The following FSTL4 variants were observed in gnomAD, a reference collection of about 807,000 sequenced individuals.
FSTL4 encodes the protein follistatin-related protein 4.
A neutral mutation model predicts 78.2 loss-of-function variants in FSTL4; 28 were observed. The ratio of observed to expected loss-of-function variants is 0.36; its 90% CI spans 0.27 to 0.49. The LOEUF is 0.49. FSTL4 is among the 20% of genes least tolerant of loss of function. FSTL4 has a pLI of 0.98. For synonymous variants in FSTL4, 422 were observed against 440.5 expected (o/e 0.96, Z 0.53); for missense variants, 922 against 1,084.9 (o/e 0.85, Z 2.11).
chr5:133,742,300 C>T, the FSTL4 span, among the ~76,000 whole-genome samples: 217 of 152,296 alleles, frequency 1.4e-3, 1 homozygote, highest in African/African-American at 4.9e-3. Context: ...TCATCTCATG[C>T]CCCCAAACCC....
intron 3 of FSTL4, among the ~76,000 whole-genome samples, chr5:133,430,034 G>A (rs1756902715): frequency 6.6e-6 from 1 of 152,180 alleles, no homozygotes; most frequent in South Asian, 2.1e-4. Context: ...TAGTACTTGA[G>A]AAAGATTGGA....
chr5:133,709,259 G>A, the FSTL4 span, among the ~76,000 whole-genome samples: 2 of 152,288 alleles, frequency 1.3e-5, no homozygotes, highest in Admixed American at 6.5e-5. Context: ...TGGACCAAAC[G>A]TTTCCCAATC....
At position 133,326,776 on chromosome 5, in the gene FSTL4, T is replaced by G. The variant is rs1754222459; in HGVS notation, c.410-10124A>C. Reference sequence around the variant, plus strand: ...CTTGTCCTATCTCCTAGACTGAGCTTCTTAAAGCAAAGACTGCTCCCAGCA... The same window carrying G: ...CTTGTCCTATCTCCTAGACTGAGCTGCTTAAAGCAAAGACTGCTCCCAGCA... On this transcript the variant is annotated intron_variant, in intron 4 of 15. Transcript: ENST00000265342. Among the ~76,000 whole-genome samples the G allele has an allele frequency of 2.0e-5, 3 of 152,224 alleles. No homozygotes were observed. In the South Asian group the frequency reaches 6.2e-4, roughly 32 times the overall value.
intron 7 of FSTL4, among the ~76,000 whole-genome samples, chr5:133,238,015 G>A (rs1327139082): frequency 6.6e-6 from 1 of 152,118 alleles, no homozygotes; most frequent in Non-Finnish European, 1.5e-5. Context: ...TTTAAAAAGC[G>A]ATTTTCTAAG....
intron 3 of FSTL4, among the ~76,000 whole-genome samples, chr5:133,509,770 A>C (rs1334382633): frequency 6.6e-6 from 1 of 152,262 alleles, no homozygotes; most frequent in East Asian, 1.9e-4. Flanking sequence ...CAACCAGGAA[A>C]GGAGAACAGA....
chr5:133,475,493 T>G (rs933398708), intron 3 of FSTL4, among the ~76,000 whole-genome samples: 2 of 152,244 alleles, frequency 1.3e-5, no homozygotes, highest in Non-Finnish European at 2.9e-5. Flanking sequence ...AGAAGTTTTA[T>G]GCCAGGGATA....
At chr5:133,449,465 G>A (rs1004213236) in intron 3 of FSTL4, among the ~76,000 whole-genome samples, 9 of 152,320 alleles carry the variant, frequency 5.9e-5, no homozygotes, top group East Asian at 1.9e-4. Flanking sequence ...TCTAACACGC[G>A]CGGGCCTCTG....
chr5:133,369,991 C>T (rs147286595), intron 4 of FSTL4, among the ~76,000 whole-genome samples: 3 of 150,660 alleles, frequency 2.0e-5, no homozygotes, highest in Non-Finnish European at 3.0e-5. Context: ...TTGGTCCTAT[C>T]TAGCAGGGCT....
intron 3 of FSTL4, among the ~76,000 whole-genome samples, chr5:133,534,881 T>C (rs1046919625): frequency 6.6e-6 from 1 of 152,126 alleles, no homozygotes; most frequent in Non-Finnish European, 1.5e-5. Context: ...TTTTCATCCT[T>C]TTAATATGTG....
the FSTL4 span, among the ~76,000 whole-genome samples, chr5:133,794,781 C>G: frequency 6.6e-6 from 1 of 152,176 alleles, no homozygotes; most frequent in Non-Finnish European, 1.5e-5. Flanking sequence ...ACACCACAAC[C>G]ATGTCCTCCC....
At chr5:133,504,556 C>T (rs773427967) in intron 3 of FSTL4, among the ~76,000 whole-genome samples, 20 of 152,152 alleles carry the variant, frequency 1.3e-4, no homozygotes, top group Admixed American at 3.3e-4. Context: ...CTTACCACTG[C>T]TTTTAGGATC....
At chr5:133,605,733 T>C (rs1204907516) in intron 1 of FSTL4, among the ~76,000 whole-genome samples, 1 of 152,182 alleles carries the variant, frequency 6.6e-6, no homozygotes, top group East Asian at 1.9e-4. Flanking sequence ...GGTGTCTGCT[T>C]GTTTTAAAAA....
At chr5:133,435,268 A>G (rs1461729197) in intron 3 of FSTL4, among the ~76,000 whole-genome samples, 1 of 152,200 alleles carries the variant, frequency 6.6e-6, no homozygotes, top group African/African-American at 2.4e-5. Context: ...ATTTCTGCAG[A>G]ACATGAAACA....
At chr5:133,391,855 T>C (rs1261042101) in intron 4 of FSTL4, among the ~76,000 whole-genome samples, 2 of 152,218 alleles carry the variant, frequency 1.3e-5, no homozygotes, top group African/African-American at 4.8e-5. Context: ...CCTCCTGGCT[T>C]TATTCTGCTC....
intron 3 of FSTL4, among the ~76,000 whole-genome samples, chr5:133,512,254 T>C (rs1026408868): frequency 6.6e-6 from 1 of 152,216 alleles, no homozygotes. Context: ...CTCTGCCACA[T>C]GTAGTCCAAC....
intron 4 of FSTL4, among the ~76,000 whole-genome samples, chr5:133,321,877 G>A (rs1381172009): frequency 6.6e-6 from 1 of 152,218 alleles, no homozygotes; most frequent in African/African-American, 2.4e-5. Context: ...GGACCCGCAG[G>A]GGACCTGCTT....
chr5:133,311,847 T>C (rs923633558), intron 6 of FSTL4, among the ~76,000 whole-genome samples: 10 of 152,188 alleles, frequency 6.6e-5, no homozygotes, highest in African/African-American at 2.4e-4. Flanking sequence ...GAACATCTTC[T>C]AATGTAAGGG....
the FSTL4 span, among the ~76,000 whole-genome samples, chr5:133,671,688 A>G: frequency 0.51 from 77,164 of 152,016 alleles, 20,087 homozygotes; most frequent in Middle Eastern, 0.65. Flanking sequence ...CTCACATTCT[A>G]TATTTGTCCT....
At chr5:133,286,033 A>C (rs909389452) in intron 6 of FSTL4, among the ~76,000 whole-genome samples, 5 of 152,178 alleles carry the variant, frequency 3.3e-5, no homozygotes, top group African/African-American at 9.7e-5. Flanking sequence ...GCAGAATCTG[A>C]CCTGCCCTGT....
Sources: gnomAD v4.1 joint callset for allele counts (sites outside exome capture counted in the v4.1 genomes callset) on GRCh38, gnomAD v4.1.1 for gene constraint, MANE v1.5 for transcripts, NCBI Gene and HGNC (gene_info 2026-07-23, HGNC 2026-07-21) for gene names.